CRYL1: variants seen among roughly 807,000 people sequenced by gnomAD.
CRYL1 encodes the protein lambda-crystallin homolog.
Under a neutral mutation model 36.6 loss-of-function variants are expected in CRYL1, and 29 were observed. The ratio of observed to expected loss-of-function variants is 0.79; its 90% CI spans 0.59 to 1.08. The LOEUF (loss-of-function observed/expected upper bound fraction) is 1.08, where lower values mean the gene tolerates loss of function less well. Ranked by LOEUF, CRYL1 falls within the 50% of genes least tolerant of loss-of-function variation. The pLI, the probability that CRYL1 is intolerant of heterozygous loss-of-function variation, is 0.00. For synonymous variants in CRYL1, 152 were observed against 151.5 expected, an observed-to-expected ratio of 1.00 and a Z score of -0.02; for missense variants, 411 against 407.9, an observed-to-expected ratio of 1.01 and a Z score of -0.06.
intron 5 of CRYL1, chr13:20,430,994 C>G (rs760119637): frequency 7.1e-6 from 7 of 985,246 alleles, no homozygotes; most frequent in Non-Finnish European, 8.4e-6. Context: ...AATACAGGAG[C>G]CTTAAGTGGA....
chr13:20,456,433 C>A (rs1331526621), intron 3 of CRYL1, among the ~76,000 whole-genome samples: 3 of 150,088 alleles, frequency 2.0e-5, no homozygotes, highest in Non-Finnish European at 1.5e-5. Flanking sequence ...CAAGATTCCA[C>A]CACTGCACTC....
chr13:20,451,952 G>GA (rs908552527), intron 3 of CRYL1, among the ~76,000 whole-genome samples: 25 of 151,832 alleles, frequency 1.6e-4, no homozygotes, highest in Non-Finnish European at 3.1e-4. Context: ...CGCAGCTGTT[G>GA]AAAAAAAAGA....
intron 5 of CRYL1, chr13:20,426,572 G>T: frequency 2.3e-6 from 1 of 442,562 alleles, no homozygotes; most frequent in Non-Finnish European, 3.0e-6. Flanking sequence ...CGGTCAGAGA[G>T]AAGGAGTCAG....
intron 4 of CRYL1, among the ~76,000 whole-genome samples, chr13:20,436,994 G>A (rs1052554361): frequency 1.3e-5 from 2 of 152,026 alleles, no homozygotes; most frequent in Non-Finnish European, 2.9e-5. Context: ...TAGAGGTCCC[G>A]TGGGGTGAGC....
At chr13:20,444,981 G>A (rs577911279) in intron 3 of CRYL1, among the ~76,000 whole-genome samples, 1 of 152,308 alleles carries the variant, frequency 6.6e-6, no homozygotes, top group Admixed American at 6.5e-5. Context: ...GCTTCCCAAA[G>A]TGCCAGAATT....
At chr13:20,516,206 A>AC (rs1228215416) in intron 1 of CRYL1, among the ~76,000 whole-genome samples, 1 of 151,508 alleles carries the variant, frequency 6.6e-6, no homozygotes, top group African/African-American at 2.4e-5. Context: ...AAAAAAAAAA[A>AC]AAAAAGGCAA....
chr13:20,407,841 GA>G (rs1245502835), intron 6 of CRYL1, among the ~76,000 whole-genome samples: 2 of 152,202 alleles, frequency 1.3e-5, no homozygotes, highest in African/African-American at 4.8e-5. Context: ...GCCTCTGAGG[GA>G]CAGTGGGTTT....
intron 4 of CRYL1, among the ~76,000 whole-genome samples, chr13:20,438,555 G>A (rs1161971383): frequency 6.6e-6 from 1 of 152,158 alleles, no homozygotes; most frequent in Non-Finnish European, 1.5e-5. Flanking sequence ...AGGCATGTGT[G>A]CTCATGCCAC....
chr13:20,439,528 AAAG>A (rs1314520208), intron 4 of CRYL1, 62 bp downstream of exon 4: 461 of 1,024,472 alleles, frequency 4.5e-4, no homozygotes, highest in East Asian at 1.1e-3. Context: ...AAAAAAAAAA[AAAG>A]AAAAAAAAAA....
intron 5 of CRYL1, among the ~76,000 whole-genome samples, chr13:20,413,663 C>G (rs2031581060): frequency 6.6e-6 from 1 of 152,098 alleles, no homozygotes; most frequent in African/African-American, 2.4e-5. Context: ...ATACACCTAG[C>G]CTGAAAGTAA....
rs1248279879 is a variant in CRYL1 at position 20,439,683 on chromosome 13, T to G, written c.348A>C (p.Arg116=). The G allele has an allele frequency of 6.2e-7, 1 of 1,614,096 alleles. No individual in the cohort carries two copies. Among genetic ancestry groups the G allele is most frequent in the South Asian group, 1.1e-5 (1 of 91,078 alleles). Residue 116 remains arginine, a synonymous_variant, in exon 4 of 8, where the codon CGA becomes CGC. Coordinates refer to ENST00000298248, the MANE Select transcript of CRYL1 (RefSeq NM_015974.3). ...FAQLDSIIDD[R]VILSSSTSCL... is the part of the protein sequence containing the mutation. ...AAGAAGTGGAACTGCTTAAGATCAC[T>G]CGATCATCAATGATGGAATCTAACT...
At chr13:20,505,009 G>T (rs35667709) in intron 2 of CRYL1, among the ~76,000 whole-genome samples, 1 of 151,916 alleles carries the variant, frequency 6.6e-6, no homozygotes, top group Non-Finnish European at 1.5e-5. Context: ...TATTCATGCA[G>T]ATGTAGTGAA....
intron 6 of CRYL1, among the ~76,000 whole-genome samples, chr13:20,407,253 G>A (rs556036566): frequency 2.0e-5 from 3 of 151,888 alleles, no homozygotes; most frequent in African/African-American, 7.2e-5. Flanking sequence ...CACTGTCTGT[G>A]ATGAAGTTTA....
chr13:20,508,645 G>C (rs2033846969), intron 2 of CRYL1, among the ~76,000 whole-genome samples: 1 of 151,494 alleles, frequency 6.6e-6, no homozygotes, highest in Non-Finnish European at 1.5e-5. Context: ...AGGAGATCGA[G>C]ACCATCCTGG....
At chr13:20,471,825 C>A (rs1394209806) in intron 3 of CRYL1, among the ~76,000 whole-genome samples, 1 of 151,848 alleles carries the variant, frequency 6.6e-6, no homozygotes, top group Non-Finnish European at 1.5e-5. Context: ...CTTTCCCTCT[C>A]TCTCTCTTTT....
intron 3 of CRYL1, among the ~76,000 whole-genome samples, chr13:20,466,145 G>A (rs9315605): frequency 0.15 from 22,567 of 152,048 alleles, 2,007 homozygotes; most frequent in Middle Eastern, 0.19. Context: ...TTTATAAATT[G>A]CCCAGCCTCA....
chr13:20,453,513 G>A (rs940301062), intron 3 of CRYL1, among the ~76,000 whole-genome samples: 1 of 145,220 alleles, frequency 6.9e-6, no homozygotes, highest in Admixed American at 7.1e-5. Context: ...CTAAAGCAAT[G>A]CTGAGAGGAA....
rs190838887 is a variant in CRYL1 at position 20,454,755 on chromosome 13, G to A, written c.277-15001C>T. 2.5e-4 allele frequency among the ~76,000 whole-genome samples: 38 copies of A among 152,142 alleles called. No homozygotes were observed. The East Asian group carries it at 6.9e-3, about 28-fold the overall frequency. On this transcript the variant is annotated intron_variant, in intron 3 of 7. Coordinates refer to ENST00000298248, the MANE Select transcript of CRYL1 (RefSeq NM_015974.3). The stretch of plus-strand genomic sequence containing the variant: ...TTTTTTAAAACTCTCAGCAATCTAG[G>A]AATAGATGGGAATCCCTTTAACATG...
intron 3 of CRYL1, among the ~76,000 whole-genome samples, chr13:20,450,696 C>G (rs1373129465): frequency 1.3e-5 from 2 of 152,128 alleles, no homozygotes; most frequent in African/African-American, 4.8e-5. Flanking sequence ...TTTGACCCAG[C>G]CATCCCATTA....
Sources: allele counts gnomAD v4.1 joint callset (sites outside exome capture counted in the v4.1 genomes callset), GRCh38; gene constraint gnomAD v4.1.1; transcripts MANE v1.5; gene names NCBI Gene and HGNC (gene_info 2026-07-23, HGNC 2026-07-21).